SLC6A19: variants seen among roughly 807,000 people sequenced by gnomAD.
The protein encoded by SLC6A19 is solute carrier family 6 member 19.
Under a neutral mutation model 68.3 loss-of-function variants are expected in SLC6A19, and 67 were observed. The observed-to-expected ratio is 0.98, with a 90% confidence interval of 0.81 to 1.20. The LOEUF (loss-of-function observed/expected upper bound fraction) is 1.20, where lower values mean the gene tolerates loss of function less well. Ranked by LOEUF, SLC6A19 falls within the 50% of genes most tolerant of loss-of-function variation. SLC6A19 has a pLI of 0.00. For synonymous variants in SLC6A19, 392 were observed against 374.9 expected (o/e 1.05, Z -0.53); for missense variants, 813 against 851.6 (o/e 0.95, Z 0.56).
chr5:1,204,495 C>T (rs1745798271), intron 1 of SLC6A19, among the ~76,000 whole-genome samples: 1 of 152,214 alleles, frequency 6.6e-6, no homozygotes, highest in Admixed American at 6.5e-5. Context: ...CCAGGGCTCA[C>T]CCCACTCACC....
Position 1,219,647 on chromosome 5 carries a change from C to G in SLC6A19, c.1521C>G (p.Tyr507Ter). The change falls in exon 10 of 12, where the codon TAC becomes TAG. Residue 507 changes from tyrosine (Y) to a stop codon, truncating the protein, a stop_gained. Coordinates refer to ENST00000304460, the MANE Select transcript of SLC6A19 (RefSeq NM_001003841.3). LOFTEE classifies it high-confidence loss of function. ...IAFCEMFSVV[Y>*]VYGVDRFNKD... ...TCTGCGAGATGTTCTCTGTGGTCTA[C>G]GTGTACGGTGTGGACAGGTAGGGGC... 1 of 1,606,296 alleles carries G rather than the reference C, an allele frequency of 6.2e-7. No individual in the cohort carries two copies. The highest frequency in any genetic ancestry group is 1.1e-5 in the South Asian group (1 of 91,090).
At chr5:1,210,767 G>A (rs779512291) in intron 3 of SLC6A19, among the ~76,000 whole-genome samples, 186 bp downstream of exon 3, 24 of 152,340 alleles carry the variant, frequency 1.6e-4, no homozygotes, top group South Asian at 6.2e-4. Flanking sequence ...TGTGGGGGGC[G>A]TGGTGGAGGA....
At position 1,213,553 on chromosome 5, in the gene SLC6A19, G is replaced by A. The variant is rs7732589; in HGVS notation, c.754G>A (p.Val252Ile). ...LTLKGATNGI[V>I]FLFTPNVTEL... ...GCTGAAGGGCGCCACCAATGGCATC[G>A]TCTTCCTCTTCACGCCCAACGTAAG... The change falls in exon 5 of 12, where the codon GTC becomes ATC. Residue 252 changes from valine to isoleucine, a missense_variant. By Grantham distance (29) the Val-to-Ile change is conservative. Transcript: ENST00000304460. 0.15 allele frequency: 238,898 copies of A among 1,610,534 alleles called. 18,866 individuals are homozygous for A. The highest frequency in any genetic ancestry group is 0.3 in the African/African-American group (21,881 of 74,118).
At chr5:1,201,971 G>A in intron 1 of SLC6A19, 119 bp downstream of exon 1, 1 of 1,344,760 alleles carries the variant, frequency 7.4e-7, no homozygotes, top group Non-Finnish European at 1.0e-6. Context: ...GAGGGGAGAG[G>A]AGAAGCCGCA....
At chr5:1,208,609 C>G (rs1579510051) in intron 1 of SLC6A19, 137 bp from the exon 2 acceptor site, 53 of 1,171,758 alleles carry the variant, frequency 4.5e-5, no homozygotes, top group African/African-American at 1.5e-5. Context: ...GGACTGGCTG[C>G]TCCATCTCAG....
At chr5:1,205,763 G>GA (rs969307142) in intron 1 of SLC6A19, among the ~76,000 whole-genome samples, 24 of 151,340 alleles carry the variant, frequency 1.6e-4, no homozygotes, top group African/African-American at 4.8e-4. Flanking sequence ...AAGCTCTTGG[G>GA]AAAAAAAAAT....
chr5:1,210,413 GC>G, intron 2 of SLC6A19, 30 bp from the exon 3 acceptor site: 1 of 1,610,944 alleles, frequency 6.2e-7, no homozygotes. Flanking sequence ...GTGTGCCTCG[GC>G]CCCAAGCCTC....
chr5:1,210,507 T>A lies in SLC6A19; in HGVS notation c.407T>A (p.Ile136Asn). Residue 136 changes from isoleucine (I) to asparagine (N), a missense_variant, in exon 3 of 12, where the codon ATC (isoleucine) becomes AAC (asparagine). Ile to Asn is a moderately radical substitution (Grantham distance 149). Coordinates refer to ENST00000304460, the MANE Select transcript of SLC6A19 (RefSeq NM_001003841.3). ...GLYYNTIISW[I>N]MWYLFNSFQE... ...TATTACAACACCATCATCTCCTGGA[T>A]CATGTGGTACTTATTCAACTCCTTC... 6.2e-7 allele frequency: 1 copy of A among 1,613,424 alleles called. No individual in the cohort carries two copies. The highest frequency in any genetic ancestry group is 8.5e-7 in the Non-Finnish European group (1 of 1,180,002).
intron 6 of SLC6A19, among the ~76,000 whole-genome samples, chr5:1,216,080 G>A (rs1746199021): frequency 6.6e-6 from 1 of 152,154 alleles, no homozygotes; most frequent in African/African-American, 2.4e-5. Flanking sequence ...GGGAGGTCAG[G>A]GCTTGAGTTC....
At chr5:1,213,906 T>C (rs1334671104) in intron 5 of SLC6A19, 47 bp from the exon 6 acceptor site, 7 of 1,609,084 alleles carry the variant, frequency 4.4e-6, no homozygotes, top group East Asian at 4.5e-5. Context: ...CAGGTCCCCA[T>C]GGCCCCATCT....
At position 1,219,067 on chromosome 5, in the gene SLC6A19, C is replaced by G; in HGVS notation, c.1338C>G (p.Leu446=). 6.2e-7 allele frequency: 1 copy of G among 1,613,924 alleles called. No homozygotes were observed. Among genetic ancestry groups the G allele is most frequent in the Non-Finnish European group, 8.5e-7 (1 of 1,179,956 alleles). ...MEGVVVPLQD[L]RVIPPKWPKE... ...GCGTCGTTGTGCCCCTGCAGGACCT[C>G]AGAGTCATCCCCCCGAAGTGGCCCA... Residue 446 remains leucine (L), a synonymous_variant, in exon 9 of 12, where the codon CTC becomes CTG. Coordinates refer to ENST00000304460, the MANE Select transcript of SLC6A19 (RefSeq NM_001003841.3).
rs374311974 is a variant in SLC6A19, at chr5:1,216,978, G to A, written c.1173+33G>A. 4.3e-6 allele frequency: 7 copies of A among 1,610,798 alleles called. No individual in the cohort carries two copies. In the East Asian group the frequency reaches 1.1e-4, roughly 26 times the overall value. ...CATTCCGGAGCTCGAGGCAGGGAGA[G>A]GGCACCCCTTGCTGGCACCTCAGAG... On this transcript the variant is annotated intron_variant, in intron 8 of 11. Coordinates refer to ENST00000304460, the MANE Select transcript of SLC6A19 (RefSeq NM_001003841.3).
At position 1,212,386 on chromosome 5, in the gene SLC6A19, G is replaced by A. The variant is rs375231132; in HGVS notation, c.565G>A (p.Asp189Asn). The A allele has an allele frequency of 1.2e-5, 19 of 1,613,226 alleles. No homozygotes were observed. The highest frequency in any genetic ancestry group is 4.0e-5 in the African/African-American group (3 of 74,870). Residue 189 changes from aspartate (D) to asparagine (N), a missense_variant, in exon 4 of 12, where the codon GAC becomes AAC. By Grantham distance (23) the Asp-to-Asn change is conservative. Transcript: ENST00000304460. The surrounding 1 kb of genome is among the most constrained non-coding windows in gnomAD (Gnocchi z 5.1). Reference sequence around the variant, plus strand: ...GCTCAACATCTCCACGTCCATCAGCGACTCGGGCTCCATCCAGTGGTGGAT... The same window carrying A: ...GCTCAACATCTCCACGTCCATCAGCAACTCGGGCTCCATCCAGTGGTGGAT... Reference protein sequence around the residue: ...ETLNISTSISDSGSIQWWMLL... With the variant: ...ETLNISTSISNSGSIQWWMLL...
At chr5:1,216,213 T>C (rs1746201737) in intron 6 of SLC6A19, among the ~76,000 whole-genome samples, 1 of 152,092 alleles carries the variant, frequency 6.6e-6, no homozygotes, top group African/African-American at 2.4e-5. Flanking sequence ...CCTGGAGCTG[T>C]CCCTAGAGGC....
intron 3 of SLC6A19, 108 bp downstream of exon 3, chr5:1,210,689 G>A: frequency 6.6e-7 from 1 of 1,510,642 alleles, no homozygotes; most frequent in East Asian, 2.3e-5. Flanking sequence ...AGAAACCAGA[G>A]CCCCAAGGCA....
In SLC6A19 at chr5:1,213,451, C is replaced by T. The variant is rs757765347; in HGVS notation, c.664-12C>T. 8.7e-5 allele frequency: 136 copies of T among 1,555,558 alleles called. No individual in the cohort carries two copies. In the East Asian group the frequency reaches 1.3e-3, roughly 15 times the overall value. On this transcript the variant is annotated splice_polypyrimidine_tract_variant and intron_variant, in intron 4 of 11. Transcript: ENST00000304460. ...AACTTCCCGCCCATCCCACATGTCC[C>T]GCCCTCCGCAGGCCGTGTACATCAC...
chr5:1,218,824 G>A (rs1478648304), intron 8 of SLC6A19, 79 bp from the exon 9 acceptor site: 14 of 1,482,076 alleles, frequency 9.4e-6, no homozygotes, highest in East Asian at 9.1e-5. Context: ...GTGGCTTGGC[G>A]ACGCACGAGA....
At chr5:1,203,889 G>A (rs1242204583) in intron 1 of SLC6A19, among the ~76,000 whole-genome samples, 2 of 152,186 alleles carry the variant, frequency 1.3e-5, no homozygotes, top group Non-Finnish European at 2.9e-5. Flanking sequence ...AATCTGGGCC[G>A]CAGCTCTGCC....
rs376867554 is a variant in SLC6A19 at position 1,212,269 on chromosome 5, G to C, written c.482-34G>C. 2 of 1,611,244 alleles carry C rather than the reference G, an allele frequency of 1.2e-6. No individual in the cohort carries two copies. The highest frequency in any genetic ancestry group is 1.7e-6 in the Non-Finnish European group (2 of 1,179,708). On this transcript the variant is annotated intron_variant, in intron 3 of 11. Coordinates refer to ENST00000304460, the MANE Select transcript of SLC6A19 (RefSeq NM_001003841.3). This position sits in a 1 kb window ranked among gnomAD's most constrained non-coding sequence, Gnocchi z 5.1. ...TCCATTCTCCTCCCTTGGGGGACCCGTACCCTGAGGTGTGTGAATGGCCCT... is the reference window on the plus strand; with the variant it reads ...TCCATTCTCCTCCCTTGGGGGACCCCTACCCTGAGGTGTGTGAATGGCCCT...
Sources: gnomAD v4.1 joint callset for allele counts (sites outside exome capture counted in the v4.1 genomes callset) on GRCh38, gnomAD v4.1.1 for gene constraint, Gnocchi (gnomAD v3.1) non-coding constraint, MANE v1.5 for transcripts, NCBI Gene and HGNC (gene_info 2026-07-23, HGNC 2026-07-21) for gene names.